Variants in PLXDC1 observed in about 807,000 individuals in gnomAD.
The protein encoded by PLXDC1 is plexin domain containing 1.
PLXDC1 carries 39 observed loss-of-function variants against 61.3 expected under a neutral mutation model. That is an observed-to-expected ratio of 0.64 (90% CI 0.49 to 0.83). The LOEUF is 0.83. PLXDC1 is among the 40% of genes least tolerant of loss of function. The probability of loss-of-function intolerance (pLI) is 0.00; values close to 1 mark genes in which losing one functional copy is unlikely to be tolerated. For missense variants in PLXDC1, 596 were observed against 666.5 expected (o/e 0.89, Z 1.17); for synonymous variants, 212 against 254.5 (o/e 0.83, Z 1.59).
intron 7 of PLXDC1, among the ~76,000 whole-genome samples, chr17:39,089,852 C>T (rs1909881412): frequency 6.6e-6 from 1 of 152,164 alleles, no homozygotes; most frequent in Non-Finnish European, 1.5e-5. Flanking sequence ...GGCTGGAGTG[C>T]AGTGGGATGA....
intron 2 of PLXDC1, among the ~76,000 whole-genome samples, chr17:39,124,296 G>A (rs1434795854): frequency 6.6e-6 from 1 of 152,236 alleles, no homozygotes; most frequent in Non-Finnish European, 1.5e-5. Context: ...GAGACGGTGG[G>A]TAAGAGCTCA....
chr17:39,108,927 CG>C lies in PLXDC1; in HGVS notation c.445del (p.Arg149GlyfsTer5). The C allele has an allele frequency of 6.2e-7, 1 of 1,613,574 alleles. No homozygotes were observed. Among genetic ancestry groups the C allele is most frequent in the Non-Finnish European group, 8.5e-7 (1 of 1,179,714 alleles). On this transcript the variant is annotated frameshift_variant, in exon 4 of 14. Coordinates refer to ENST00000315392, the MANE Select transcript of PLXDC1 (RefSeq NM_020405.5). LOFTEE classifies it high-confidence loss of function. ...ACCTCCAGTTGCTATGGTGATCTGC[CG>C]CAGAGGATGCCCGTAGAAAGGGAAA... ...FDFPFYGHPL[R>X]QITIATGGFI... is the part of the protein sequence containing the mutation.
At chr17:39,122,094 C>CA (rs766421360) in intron 2 of PLXDC1, among the ~76,000 whole-genome samples, 8,094 of 78,066 alleles carry the variant, frequency 0.1, 526 homozygotes, top group East Asian at 0.15. Flanking sequence ...AAGACTCTGT[C>CA]AAAAAAAAAA....
At chr17:39,149,805 G>T (rs1441418827) in intron 1 of PLXDC1, among the ~76,000 whole-genome samples, 2 of 152,040 alleles carry the variant, frequency 1.3e-5, no homozygotes, top group East Asian at 1.9e-4. Flanking sequence ...CCAGCCAAAG[G>T]TTCAGATCCT....
At chr17:39,124,750 C>G (rs1331659933) in intron 2 of PLXDC1, among the ~76,000 whole-genome samples, 2 of 152,178 alleles carry the variant, frequency 1.3e-5, no homozygotes, top group Non-Finnish European at 2.9e-5. Flanking sequence ...GAGAGACATG[C>G]CTGCCTCATC....
Position 39,063,322 on chromosome 17 carries a change from A to C in PLXDC1, c.*4518T>G, listed in dbSNP as rs955577503. On this transcript the variant is annotated 3_prime_UTR_variant, in exon 14 of 14. Coordinates refer to ENST00000315392, the MANE Select transcript of PLXDC1 (RefSeq NM_020405.5). Reference sequence around the variant, plus strand: ...GAAATGTGACAGCATAGACTTTCTCAGATTTATTGTATGTCCTCAGACAGT... The same window carrying C: ...GAAATGTGACAGCATAGACTTTCTCCGATTTATTGTATGTCCTCAGACAGT... 21 of 583,150 alleles carry C rather than the reference A, an allele frequency of 3.6e-5. No homozygotes were observed. The highest frequency in any genetic ancestry group is 2.6e-4 in the African/African-American group (14 of 53,566). 36.1% of individuals were successfully genotyped at this position (583,150 alleles called of 1,614,324 possible). A position where few individuals can be genotyped will look rare whatever the true frequency, so the allele number is the denominator to read the frequency against.
intron 11 of PLXDC1, among the ~76,000 whole-genome samples, chr17:39,077,636 A>G (rs1028425142): frequency 6.6e-6 from 1 of 152,144 alleles, no homozygotes; most frequent in Non-Finnish European, 1.5e-5. Context: ...TGGGCTATTA[A>G]TTTTTCCCCT....
At chr17:39,151,759 G>GCCCTC (rs2045375224), upstream of PLXDC1, 1 of 201,588 alleles carries the variant, frequency 5.0e-6, no homozygotes. The surrounding 1 kb of genome is among the most constrained non-coding windows in gnomAD (Gnocchi z 5.2). Context: ...CCCTAACGGA[G>GCCCTC]CGCTCCCCTA....
chr17:39,092,086 T>G (rs1355715245), intron 7 of PLXDC1, among the ~76,000 whole-genome samples: 1 of 152,096 alleles, frequency 6.6e-6, no homozygotes, highest in Non-Finnish European at 1.5e-5. Flanking sequence ...TTTCATTTAT[T>G]TATTTATTTA....
chr17:39,143,445 A>G (rs1911998384), intron 1 of PLXDC1, among the ~76,000 whole-genome samples: 1 of 152,148 alleles, frequency 6.6e-6, no homozygotes, highest in African/African-American at 2.4e-5. Flanking sequence ...TCTCCCTGGT[A>G]GATTTGAGTT....
intron 2 of PLXDC1, among the ~76,000 whole-genome samples, chr17:39,111,551 C>G (rs544542806): frequency 1.3e-4 from 20 of 152,308 alleles, no homozygotes; most frequent in Admixed American, 3.9e-4. Flanking sequence ...TCCCAAGGTG[C>G]TGGGATTACA....
At chr17:39,152,217 G>A (rs1408683741), upstream of PLXDC1, among the ~76,000 whole-genome samples, 4 of 147,028 alleles carry the variant, frequency 2.7e-5, no homozygotes, top group Admixed American at 2.7e-4. Context: ...TGCCCCCCAA[G>A]CCTAGCAGAC....
At chr17:39,134,653 CAAAGA>C (rs1196063222) in intron 2 of PLXDC1, among the ~76,000 whole-genome samples, 2 of 149,872 alleles carry the variant, frequency 1.3e-5, no homozygotes, top group Non-Finnish European at 3.0e-5. Context: ...AAAGAAAAAA[CAAAGA>C]AAAGAAAAGA....
chr17:39,122,057 A>G lies in PLXDC1; in HGVS notation c.256-12666T>C, dbSNP rs543484859. Reference sequence around the variant, plus strand: ...GGTTGTCGTGAGCTGAGATCACGCCACTGCATTCTAGCCTGGTTGACAGTT... The same window carrying G: ...GGTTGTCGTGAGCTGAGATCACGCCGCTGCATTCTAGCCTGGTTGACAGTT... On this transcript the variant is annotated intron_variant, in intron 2 of 13. Transcript: ENST00000315392. 1.0e-4 allele frequency among the ~76,000 whole-genome samples: 14 copies of G among 133,794 alleles called. No individual in the cohort carries two copies. In the South Asian group the frequency reaches 2.7e-3, roughly 26 times the overall value. 87.8% of individuals were successfully genotyped at this position (133,794 alleles called of 152,430 possible).
chr17:39,103,604 G>A (rs1910498068), intron 7 of PLXDC1, among the ~76,000 whole-genome samples: 1 of 152,042 alleles, frequency 6.6e-6, no homozygotes, highest in Non-Finnish European at 1.5e-5. Flanking sequence ...CCAGCACTTT[G>A]GGAGACCGAG....
intron 7 of PLXDC1, among the ~76,000 whole-genome samples, chr17:39,103,884 G>A (rs1362920943): frequency 6.6e-6 from 1 of 151,584 alleles, no homozygotes; most frequent in African/African-American, 2.4e-5. Flanking sequence ...CATGGAAATG[G>A]CAAAAATCTC....
intron 8 of PLXDC1, among the ~76,000 whole-genome samples, chr17:39,086,047 G>C (rs1909728095): frequency 6.6e-6 from 1 of 152,036 alleles, no homozygotes. Context: ...ATTCACCGGA[G>C]GGGTGAGAAG....
intron 11 of PLXDC1, among the ~76,000 whole-genome samples, chr17:39,077,070 G>A (rs1004522044): frequency 3.9e-5 from 6 of 152,014 alleles, no homozygotes. Context: ...GTTTCACCAT[G>A]TTGGTCAGGC....
In PLXDC1 at chr17:39,130,159, A is replaced by G. The variant is rs1008990554; in HGVS notation, c.255+9495T>C. Among the ~76,000 whole-genome samples, 7 of 152,118 alleles carry G rather than the reference A, an allele frequency of 4.6e-5. 1 individual carries two copies. Among genetic ancestry groups the G allele is most frequent in the South Asian group, 2.1e-4 (1 of 4,820 alleles). On this transcript the variant is annotated intron_variant, in intron 2 of 13. Coordinates refer to ENST00000315392, the MANE Select transcript of PLXDC1 (RefSeq NM_020405.5). ...GTAAAGGGTTTTCTTTTGGGTAATG[A>G]AAATGTTTTGGGGCCAGGCACGGTG...
Sources: allele counts gnomAD v4.1 joint callset (sites outside exome capture counted in the v4.1 genomes callset), GRCh38; gene constraint gnomAD v4.1.1; non-coding constraint Gnocchi (gnomAD v3.1); transcripts MANE v1.5; gene names NCBI Gene and HGNC (gene_info 2026-07-23, HGNC 2026-07-21).